TBR1: variants seen among roughly 807,000 people sequenced by gnomAD.
The protein encoded by TBR1 is T-box brain protein 1.
TBR1 carries 7 observed loss-of-function variants against 60.3 expected under a neutral mutation model. The ratio of observed to expected loss-of-function variants is 0.12; its 90% confidence interval spans 0.07 to 0.22. TBR1 has a LOEUF of 0.22. Ranked by LOEUF, TBR1 falls within the 10% of genes least tolerant of loss-of-function variation. The probability of loss-of-function intolerance (pLI) is 1.00; values close to 1 mark genes in which losing one functional copy is unlikely to be tolerated. For synonymous variants in TBR1, 417 were observed against 409.9 expected (o/e 1.02, Z -0.21); for missense variants, 616 against 936.8 (o/e 0.66, Z 4.47).
chr2:161,417,996 AT>A lies in TBR1; in HGVS notation c.847+168del. ...AGACTGAGCTGCGAGAAGGGGGAGG[AT>A]TATGCAAAAGCTATTTTAATCACCC... On this transcript the variant is annotated intron_variant, in intron 2 of 5. Coordinates refer to ENST00000389554, the MANE Select transcript of TBR1 (RefSeq NM_006593.4). The surrounding 1 kb of genome is among the most constrained non-coding windows in gnomAD (Gnocchi z 5.3). 7 of 1,451,274 alleles carry A rather than the reference AT, an allele frequency of 4.8e-6. No individual in the cohort carries two copies. The highest frequency in any genetic ancestry group is 6.3e-6 in the Non-Finnish European group (7 of 1,102,878). The allele number at this position is 1,451,274 out of a possible 1,614,324, so 89.9% of individuals were successfully genotyped here.
Position 161,424,638 on chromosome 2 carries a change from A to C in TBR1, c.*411A>C. 1 of 168,048 alleles carries C rather than the reference A, an allele frequency of 6.0e-6. No individual in the cohort carries two copies. Among genetic ancestry groups the C allele is most frequent in the East Asian group, 1.7e-4 (1 of 5,766 alleles). 10.4% of individuals were successfully genotyped at this position (168,048 alleles called of 1,614,324 possible). On this transcript the variant is annotated 3_prime_UTR_variant, in exon 6 of 6. Coordinates refer to ENST00000389554, the MANE Select transcript of TBR1 (RefSeq NM_006593.4). The surrounding 1 kb of genome is among the most constrained non-coding windows in gnomAD (Gnocchi z 4.4). ...CCAAGTCTCGGCCTCCACATTAACC[A>C]TAGGATGTTGACTCTAGAACCTGGA...
chr2:161,423,885 C>A lies in TBR1; in HGVS notation c.1707C>A (p.Ala569=), dbSNP rs777051782. The A allele has an allele frequency of 7.3e-7, 1 of 1,371,030 alleles. No individual in the cohort carries two copies. The highest frequency in any genetic ancestry group is 9.4e-7 in the Non-Finnish European group (1 of 1,065,884). The allele number at this position is 1,371,030 out of a possible 1,614,324, so 84.9% of individuals were successfully genotyped here. ...GSVLPCWPNS[A]AAAARMAGAN... is the part of the protein sequence containing the mutation. ...TGCTGCCCTGCTGGCCCAACAGCGCCGCGGCCGCCGCGCGCATGGCCGGCG... is the reference window on the plus strand; with the variant it reads ...TGCTGCCCTGCTGGCCCAACAGCGCAGCGGCCGCCGCGCGCATGGCCGGCG... Residue 569 remains alanine (A), a synonymous_variant, in exon 6 of 6, where the codon GCC becomes GCA. Coordinates refer to ENST00000389554, the MANE Select transcript of TBR1 (RefSeq NM_006593.4).
At chr2:161,419,390 C>T (rs1684188350) in intron 4 of TBR1, 1 of 186,112 alleles carries the variant, frequency 5.4e-6, no homozygotes, top group African/African-American at 2.4e-5. Context: ...TCTCTCTTTC[C>T]TTTAGAAAAC....
chr2:161,420,976 C>A (rs1474349693), intron 5 of TBR1: 1 of 152,234 alleles, frequency 6.6e-6, no homozygotes, highest in African/African-American at 2.4e-5. Context: ...GTGCCCTTTT[C>A]TTTAGGCCTC....
rs1015676496 is a variant in TBR1, at chr2:161,417,267, G to C, written c.692+165G>C. On this transcript the variant is annotated intron_variant, in intron 1 of 5. Coordinates refer to ENST00000389554, the MANE Select transcript of TBR1 (RefSeq NM_006593.4). The surrounding 1 kb of genome is among the most constrained non-coding windows in gnomAD (Gnocchi z 5.3). ...GGGAAAGTGGAAGGGATAACCGCCA[G>C]GGTGATGTTGGTGGGGGGGACCCCG... 1 of 708,064 alleles carries C rather than the reference G, an allele frequency of 1.4e-6. No homozygotes were observed. Among genetic ancestry groups the C allele is most frequent in the Non-Finnish European group, 2.3e-6 (1 of 437,382 alleles). The allele number at this position is 708,064 out of a possible 1,614,324, so 43.9% of individuals were successfully genotyped here. A position where few individuals can be genotyped will look rare whatever the true frequency, so the allele number is the denominator to read the frequency against.
intron 4 of TBR1, 144 bp from the exon 5 acceptor site, chr2:161,420,052 C>G (rs1684202665): frequency 8.0e-6 from 4 of 502,372 alleles, no homozygotes; most frequent in Non-Finnish European, 1.4e-5. Flanking sequence ...CCACTCAATC[C>G]CTCAAATTTT....
In TBR1 at chr2:161,418,927, C is replaced by T; in HGVS notation, c.1005C>T (p.Pro335=). ...VVLQSLHKYQ[P]RLHVVEVNED... is the part of the protein sequence containing the mutation. ...TACAGTCCTTGCACAAGTACCAGCC[C>T]CGCCTGCATGTGGTGGAAGTGAACG... Residue 335 remains proline (P), a synonymous_variant, in exon 4 of 6, where the codon CCC becomes CCT. Coordinates refer to ENST00000389554, the MANE Select transcript of TBR1 (RefSeq NM_006593.4). 6.2e-7 allele frequency: 1 copy of T among 1,614,220 alleles called. No individual in the cohort carries two copies. Among genetic ancestry groups the T allele is most frequent in the Non-Finnish European group, 8.5e-7 (1 of 1,180,040 alleles).
rs1281029793 is a variant in TBR1, at chr2:161,416,346, T to C, written c.-65T>C. ...TCTAGTGAGGGGGTCTGTGGATTTC[T>C]AGTTTATGATAAATAGGACTTTAAA... On this transcript the variant is annotated 5_prime_UTR_variant, in exon 1 of 6. Coordinates refer to ENST00000389554, the MANE Select transcript of TBR1 (RefSeq NM_006593.4). This position sits in a 1 kb window ranked among gnomAD's most constrained non-coding sequence, Gnocchi z 6.1. The C allele has an allele frequency of 6.9e-6, 9 of 1,310,928 alleles. No individual in the cohort carries two copies. The highest frequency in any genetic ancestry group is 8.4e-6 in the Non-Finnish European group (8 of 950,358). The allele number at this position is 1,310,928 out of a possible 1,614,324, so 81.2% of individuals were successfully genotyped here.
At position 161,423,545 on chromosome 2, in the gene TBR1, G is replaced by A. The variant is rs756803352; in HGVS notation, c.1367G>A (p.Gly456Asp). Residue 456 changes from glycine to aspartate, a missense_variant, in exon 6 of 6, where the codon GGT (glycine) becomes GAT (aspartate). This residue lies in a region of TBR1 where 80 missense variants were observed against 75.3 expected (regional missense o/e 1.06). Coordinates refer to ENST00000389554, the MANE Select transcript of TBR1 (RefSeq NM_006593.4). The part of the protein sequence containing the change: ...HPGAGAGPGP[G>D]TDRSVPHTNG... Reference sequence around the variant, plus strand: ...GGCGCGGGCGCGGGCCCCGGGCCGGGTACGGACCGCAGCGTGCCGCACACC... The same window carrying A: ...GGCGCGGGCGCGGGCCCCGGGCCGGATACGGACCGCAGCGTGCCGCACACC... The A allele has an allele frequency of 1.9e-6, 3 of 1,573,588 alleles. No individual in the cohort carries two copies. The highest frequency in any genetic ancestry group is 2.6e-6 in the Non-Finnish European group (3 of 1,163,256).
chr2:161,416,336 T>G lies in TBR1; in HGVS notation c.-75T>G. ...GTGCTTTCTGTCTAGTGAGGGGGTC[T>G]GTGGATTTCTAGTTTATGATAAATA... is the stretch of plus-strand genomic sequence containing the variant. On this transcript the variant is annotated 5_prime_UTR_variant, in exon 1 of 6. Transcript: ENST00000389554. This position sits in a 1 kb window ranked among gnomAD's most constrained non-coding sequence, Gnocchi z 6.1. 1.7e-6 allele frequency: 2 copies of G among 1,194,582 alleles called. No individual in the cohort carries two copies. The highest frequency in any genetic ancestry group is 2.4e-6 in the Non-Finnish European group (2 of 846,640). 74.0% of individuals were successfully genotyped at this position (1,194,582 alleles called of 1,614,324 possible). A position where few individuals can be genotyped will look rare whatever the true frequency, so the allele number is the denominator to read the frequency against.
chr2:161,421,220 A>G lies in TBR1; in HGVS notation c.1190+963A>G, dbSNP rs142761211. 2.3e-3 allele frequency: 343 copies of G among 152,380 alleles called. 4 individuals are homozygous for G. The highest frequency in any genetic ancestry group is 7.8e-3 in the African/African-American group (324 of 41,596). 9.4% of individuals were successfully genotyped at this position (152,380 alleles called of 1,614,324 possible). A position where few individuals can be genotyped will look rare whatever the true frequency, so the allele number is the denominator to read the frequency against. Reference sequence around the variant, plus strand: ...GGCTTACATTGAGCGCCTGAGACAGAGCTAAAAAGTTGAAGCTGCCTTTGA... The same window carrying G: ...GGCTTACATTGAGCGCCTGAGACAGGGCTAAAAAGTTGAAGCTGCCTTTGA... On this transcript the variant is annotated intron_variant, in intron 5 of 5. Transcript: ENST00000389554.
At chr2:161,420,287 T>C in intron 5 of TBR1, 30 bp downstream of exon 5, 2 of 1,593,432 alleles carry the variant, frequency 1.3e-6, no homozygotes, top group Admixed American at 1.7e-5. Context: ...CCTTTTCAAA[T>C]AGCTGTGGAA....
rs1684120610 is a variant in TBR1, at chr2:161,416,313, GCTTT to G, written c.-95_-92del. 2 of 1,000,910 alleles carry G rather than the reference GCTTT, an allele frequency of 2.0e-6. No homozygotes were observed. The highest frequency in any genetic ancestry group is 2.4e-5 in the East Asian group (1 of 41,222). 62.0% of individuals were successfully genotyped at this position (1,000,910 alleles called of 1,614,324 possible). A position where few individuals can be genotyped will look rare whatever the true frequency, so the allele number is the denominator to read the frequency against. On this transcript the variant is annotated 5_prime_UTR_variant, in exon 1 of 6. Transcript: ENST00000389554. This position sits in a 1 kb window ranked among gnomAD's most constrained non-coding sequence, Gnocchi z 6.1. ...TTGAGAAGCATTTGCTGGTTGAAGTGCTTTCTGTCTAGTGAGGGGGTCTGTGGAT... is the reference window on the plus strand; with the variant it reads ...TTGAGAAGCATTTGCTGGTTGAAGTGCTGTCTAGTGAGGGGGTCTGTGGAT...
intron 5 of TBR1, chr2:161,422,863 T>A (rs1012105863): frequency 6.6e-6 from 1 of 152,408 alleles, no homozygotes; most frequent in African/African-American, 2.4e-5. Context: ...AGGAGAGATA[T>A]CACCTGAACA....
In TBR1 at chr2:161,424,256, G is replaced by A. The variant is rs1400795180; in HGVS notation, c.*29G>A. The A allele has an allele frequency of 1.3e-6, 2 of 1,521,932 alleles. No homozygotes were observed. The highest frequency in any genetic ancestry group is 1.8e-6 in the Non-Finnish European group (2 of 1,128,162). The allele number at this position is 1,521,932 out of a possible 1,614,324, so 94.3% of individuals were successfully genotyped here. A position where few individuals can be genotyped will look rare whatever the true frequency, so the allele number is the denominator to read the frequency against. On this transcript the variant is annotated 3_prime_UTR_variant, in exon 6 of 6. Coordinates refer to ENST00000389554, the MANE Select transcript of TBR1 (RefSeq NM_006593.4). The surrounding 1 kb of genome is among the most constrained non-coding windows in gnomAD (Gnocchi z 4.4). Reference sequence around the variant, plus strand: ...GCCCCTGCCCGCCCGGCCCCGCCGCGGCCCGGACCCCCAGCCAGCCCCTCA... The same window carrying A: ...GCCCCTGCCCGCCCGGCCCCGCCGCAGCCCGGACCCCCAGCCAGCCCCTCA...
chr2:161,423,900 C>A lies in TBR1; in HGVS notation c.1722C>A (p.Arg574=). 1 of 1,382,230 alleles carries A rather than the reference C, an allele frequency of 7.2e-7. No homozygotes were observed. The allele number at this position is 1,382,230 out of a possible 1,614,324, so 85.6% of individuals were successfully genotyped here. Residue 574 remains arginine (R), a synonymous_variant, in exon 6 of 6, where the codon CGC becomes CGA. Transcript: ENST00000389554. ...CCAACAGCGCCGCGGCCGCCGCGCG[C>A]ATGGCCGGCGCCAATCCCTACCTGG... is the stretch of plus-strand genomic sequence containing the variant. The part of the protein sequence containing the change: ...CWPNSAAAAA[R]MAGANPYLGE...
At chr2:161,423,150 A>T in intron 5 of TBR1, 1 of 429,330 alleles carries the variant, frequency 2.3e-6, no homozygotes, top group Non-Finnish European at 4.1e-6. Flanking sequence ...GTCCCTGCAT[A>T]GACAGATTGG....
chr2:161,416,584 G>T lies in TBR1; in HGVS notation c.174G>T (p.Gly58=). ...RSSPLKKITR[G]MTNQSDTDNF... is the part of the protein sequence containing the mutation. ...CACCTTTGAAAAAAATTACCAGGGG[G>T]ATGACGAATCAGTCAGATACAGACA... The change falls in exon 1 of 6, where the codon GGG becomes GGT. Residue 58 remains glycine, a synonymous_variant. Transcript: ENST00000389554. This position sits in a 1 kb window ranked among gnomAD's most constrained non-coding sequence, Gnocchi z 6.1. 2 of 1,614,130 alleles carry T rather than the reference G, an allele frequency of 1.2e-6. No homozygotes were observed. Among genetic ancestry groups the T allele is most frequent in the African/African-American group, 1.3e-5 (1 of 75,024 alleles).
chr2:161,421,934 C>CTA (rs1559061837), intron 5 of TBR1: 1 of 38,092 alleles, frequency 2.6e-5, no homozygotes, highest in East Asian at 5.7e-4. Flanking sequence ...GCTTCTTTAT[C>CTA]TATACACACA....
Sources: allele counts gnomAD v4.1 joint callset, GRCh38; gene constraint gnomAD v4.1.1; regional missense constraint gnomAD v4.1.1; non-coding constraint Gnocchi (gnomAD v3.1); transcripts MANE v1.5; gene names NCBI Gene and HGNC (gene_info 2026-07-23, HGNC 2026-07-21).